PIK3CA: variants seen among roughly 807,000 people sequenced by gnomAD.
PIK3CA encodes phosphatidylinositol 4,5-bisphosphate 3-kinase catalytic subunit alpha isoform.
A neutral mutation model predicts 138.2 loss-of-function variants in PIK3CA; 27 were observed. That is an observed-to-expected ratio of 0.20 (90% CI 0.14 to 0.27). The LOEUF (loss-of-function observed/expected upper bound fraction) is 0.27. Ranked by LOEUF, PIK3CA falls within the 10% of genes least tolerant of loss-of-function variation. The pLI, the probability that PIK3CA is intolerant of heterozygous loss-of-function variation, is 1.00. For synonymous variants in PIK3CA, 358 were observed against 413.2 expected, an observed-to-expected ratio of 0.87 and a Z score of 1.62; for missense variants, 544 against 1,277.4, an observed-to-expected ratio of 0.43 and a Z score of 8.75.
rs146561759 is a variant in PIK3CA, at chr3:179,161,467, C to T, written c.-77+12864C>T. 1.8e-3 allele frequency among the ~76,000 whole-genome samples: 273 copies of T among 151,750 alleles called. 1 individual carries two copies. Among genetic ancestry groups the T allele is most frequent in the African/African-American group, 6.2e-3 (255 of 41,370 alleles). ...ATTCCAGCACTTTGGGAGGCCGAGG[C>T]GGGCAGATCACTTGAGGTCAGGAGT... On this transcript the variant is annotated intron_variant, in intron 1 of 20. Coordinates refer to ENST00000263967, the MANE Select transcript of PIK3CA (RefSeq NM_006218.4).
At chr3:179,156,323 C>T (rs529459285) in intron 1 of PIK3CA, among the ~76,000 whole-genome samples, 1 of 152,244 alleles carries the variant, frequency 6.6e-6, no homozygotes, top group East Asian at 1.9e-4. Context: ...AAATGACTGC[C>T]AGACATTGAG....
chr3:179,212,382 G>A (rs1447791231), intron 9 of PIK3CA, among the ~76,000 whole-genome samples: 3 of 149,108 alleles, frequency 2.0e-5, no homozygotes, highest in Admixed American at 6.7e-5. Context: ...AGGCCGAGGC[G>A]GGTGGATCAC....
intron 14 of PIK3CA, 42 bp from the exon 15 acceptor site, chr3:179,224,039 T>A: frequency 9.4e-7 from 1 of 1,065,428 alleles, no homozygotes; most frequent in Non-Finnish European, 1.5e-6. Context: ...TATCTTTTAT[T>A]AAGTCAGTTT....
chr3:179,234,590 C>T lies in PIK3CA; in HGVS notation c.*226C>T, dbSNP rs920995991. On this transcript the variant is annotated 3_prime_UTR_variant, in exon 21 of 21. Transcript: ENST00000263967. The surrounding 1 kb of genome is among the most constrained non-coding windows in gnomAD (Gnocchi z 5.1). ...TTCAAAATTAAGCTTTAGAATAATG[C>T]GCAATTTCATGTTATGCCTTAAGTC... The T allele has an allele frequency of 4.5e-5, 16 of 359,376 alleles. No homozygotes were observed. Among genetic ancestry groups the T allele is most frequent in the African/African-American group, 6.3e-5 (3 of 47,868 alleles). 22.3% of individuals were successfully genotyped at this position (359,376 alleles called of 1,614,324 possible).
chr3:179,195,284 C>T (rs1385175379), intron 1 of PIK3CA, among the ~76,000 whole-genome samples: 1 of 151,616 alleles, frequency 6.6e-6, no homozygotes, highest in Non-Finnish European at 1.5e-5. Context: ...ACAACAAAAA[C>T]CGTTTCCTTC....
At position 179,237,777 on chromosome 3, in the gene PIK3CA, T is replaced by C. The variant is rs1202531143; in HGVS notation, c.*3413T>C. 5 of 210,866 alleles carry C rather than the reference T, an allele frequency of 2.4e-5. No homozygotes were observed. Among genetic ancestry groups the C allele is most frequent in the African/African-American group, 1.1e-4 (5 of 44,114 alleles). The allele number at this position is 210,866 out of a possible 1,614,324, so 13.1% of individuals were successfully genotyped here. Reference sequence around the variant, plus strand: ...AATTCATACTTTGATCAATAGCCCATGCTTGCCAACTCTGAAGAAATTTAA... The same window carrying C: ...AATTCATACTTTGATCAATAGCCCACGCTTGCCAACTCTGAAGAAATTTAA... On this transcript the variant is annotated 3_prime_UTR_variant, in exon 21 of 21. Transcript: ENST00000263967.
In PIK3CA at chr3:179,236,942, G is replaced by T. The variant is rs961103082; in HGVS notation, c.*2578G>T. ...GTTTAGACAGTTCCTATCTATAGCT[G>T]ACTATCCTTGTCCTTGAATATGGTG... On this transcript the variant is annotated 3_prime_UTR_variant, in exon 21 of 21. Coordinates refer to ENST00000263967, the MANE Select transcript of PIK3CA (RefSeq NM_006218.4). 2.5e-5 allele frequency: 5 copies of T among 203,024 alleles called. No homozygotes were observed. Among genetic ancestry groups the T allele is most frequent in the Non-Finnish European group, 4.0e-5 (4 of 98,976 alleles). The allele number at this position is 203,024 out of a possible 1,614,324, so 12.6% of individuals were successfully genotyped here. A position where few individuals can be genotyped will look rare whatever the true frequency, so the allele number is the denominator to read the frequency against.
chr3:179,151,642 T>C (rs1386654186), intron 1 of PIK3CA, among the ~76,000 whole-genome samples: 1 of 152,254 alleles, frequency 6.6e-6, no homozygotes, highest in Non-Finnish European at 1.5e-5. Flanking sequence ...AAGCCCTGGC[T>C]GTCAAGGACC....
At position 179,186,310 on chromosome 3, in the gene PIK3CA, C is replaced by T. The variant is rs186930127; in HGVS notation, c.-76-12440C>T. On this transcript the variant is annotated intron_variant, in intron 1 of 20. Transcript: ENST00000263967. ...AACAAGCTGAGCCCTGGATAATGTA[C>T]CCTTTTGTTTCTTTCTTTAGCTCAC... Among the ~76,000 whole-genome samples the T allele has an allele frequency of 7.9e-5, 12 of 152,270 alleles. No homozygotes were observed. In the East Asian group the frequency reaches 1.9e-3, roughly 24 times the overall value.
chr3:179,238,444 T>C lies in PIK3CA; in HGVS notation c.*4080T>C, dbSNP rs558647737. On this transcript the variant is annotated 3_prime_UTR_variant, in exon 21 of 21. Coordinates refer to ENST00000263967, the MANE Select transcript of PIK3CA (RefSeq NM_006218.4). ...AGATCATGGGGTTTAGCTCAAAATATCTGTGGTCCTGATAAAATTGGATTG... is the reference window on the plus strand; with the variant it reads ...AGATCATGGGGTTTAGCTCAAAATACCTGTGGTCCTGATAAAATTGGATTG... 17 of 221,504 alleles carry C rather than the reference T, an allele frequency of 7.7e-5. No homozygotes were observed. The highest frequency in any genetic ancestry group is 1.4e-4 in the Non-Finnish European group (16 of 110,564). 13.7% of individuals were successfully genotyped at this position (221,504 alleles called of 1,614,324 possible).
intron 18 of PIK3CA, 131 bp downstream of exon 18, chr3:179,229,573 C>T (rs1020039197): frequency 5.2e-6 from 3 of 575,030 alleles, no homozygotes; most frequent in Admixed American, 3.7e-5. Context: ...ATATGCTCAA[C>T]CTTTGAAATA....
chr3:179,201,609 A>T (rs878894960), intron 4 of PIK3CA, 69 bp downstream of exon 4: 195 of 763,578 alleles, frequency 2.6e-4, no homozygotes, highest in South Asian at 5.2e-4. Context: ...GAGTATCTGT[A>T]TTTTTTTTTT....
chr3:179,219,406 C>T lies in PIK3CA; in HGVS notation c.1746+129C>T. The T allele has an allele frequency of 1.4e-6, 1 of 710,108 alleles. No homozygotes were observed. The highest frequency in any genetic ancestry group is 2.3e-6 in the Non-Finnish European group (1 of 426,248). 44.0% of individuals were successfully genotyped at this position (710,108 alleles called of 1,614,324 possible). A position where few individuals can be genotyped will look rare whatever the true frequency, so the allele number is the denominator to read the frequency against. On this transcript the variant is annotated intron_variant, in intron 11 of 20. Coordinates refer to ENST00000263967, the MANE Select transcript of PIK3CA (RefSeq NM_006218.4). The surrounding 1 kb of genome is among the most constrained non-coding windows in gnomAD (Gnocchi z 4.2). ...TAGTAATATAGTGTAGAAAAAAACA[C>T]CCTTAACATTATTTCCATAGATAAA...
At chr3:179,192,094 T>A (rs1415097836) in intron 1 of PIK3CA, among the ~76,000 whole-genome samples, 1 of 152,262 alleles carries the variant, frequency 6.6e-6, no homozygotes, top group African/African-American at 2.4e-5. Flanking sequence ...AGTAATAGTT[T>A]TCTGTACTCT....
At chr3:179,205,428 C>T (rs1444691800) in intron 6 of PIK3CA, among the ~76,000 whole-genome samples, 4 of 152,066 alleles carry the variant, frequency 2.6e-5, no homozygotes, top group Non-Finnish European at 5.9e-5. Context: ...GCTAATCATT[C>T]CCCACATTAG....
At position 179,196,475 on chromosome 3, in the gene PIK3CA, C is replaced by T. The variant is rs1381345966; in HGVS notation, c.-76-2275C>T. The stretch of plus-strand genomic sequence containing the variant: ...TTTTACTAGCCAATGAAATTTTTGA[C>T]ATGTAGGAAAAAGGACAATTATTTT... On this transcript the variant is annotated intron_variant, in intron 1 of 20. Coordinates refer to ENST00000263967, the MANE Select transcript of PIK3CA (RefSeq NM_006218.4). 2.6e-5 allele frequency among the ~76,000 whole-genome samples: 4 copies of T among 152,158 alleles called. No individual in the cohort carries two copies. The South Asian group carries it at 8.3e-4, about 31-fold the overall frequency.
intron 1 of PIK3CA, among the ~76,000 whole-genome samples, chr3:179,162,676 A>C (rs534717532): frequency 2.6e-5 from 4 of 152,262 alleles, no homozygotes; most frequent in South Asian, 2.1e-4. Context: ...CGGGAAAAAA[A>C]CCCATTTAGA....
At chr3:179,196,292 G>C (rs2108382970) in intron 1 of PIK3CA, among the ~76,000 whole-genome samples, 1 of 152,254 alleles carries the variant, frequency 6.6e-6, no homozygotes, top group East Asian at 1.9e-4. Flanking sequence ...GTGGCTTGTG[G>C]TTTTGGTTTT....
intron 1 of PIK3CA, among the ~76,000 whole-genome samples, chr3:179,150,438 G>A (rs893820827): frequency 3.9e-5 from 6 of 152,130 alleles, no homozygotes; most frequent in Admixed American, 2.0e-4. Flanking sequence ...AGACATTCCT[G>A]TCAGTTTTAA....
Sources: allele counts gnomAD v4.1 joint callset (sites outside exome capture counted in the v4.1 genomes callset), GRCh38; gene constraint gnomAD v4.1.1; non-coding constraint Gnocchi (gnomAD v3.1); transcripts MANE v1.5; gene names NCBI Gene and HGNC (gene_info 2026-07-23, HGNC 2026-07-21).